The following TSPAN18 variants were observed in gnomAD, a reference collection of about 807,000 sequenced individuals.
TSPAN18 encodes the protein tetraspanin-18.
In TSPAN18, 14 loss-of-function variants were observed where a neutral mutation model predicts 27.3. The observed-to-expected ratio is 0.51, with a 90% CI of 0.34 to 0.80. TSPAN18 has a LOEUF of 0.80. TSPAN18 is among the 30% of genes least tolerant of loss of function. The pLI is 0.01. For missense variants in TSPAN18, 268 were observed against 323.9 expected, an observed-to-expected ratio of 0.83 and a Z score of 1.32; for synonymous variants, 143 against 136.5, an observed-to-expected ratio of 1.05 and a Z score of -0.33.
intron 2 of TSPAN18, among the ~76,000 whole-genome samples, chr11:44,836,060 A>T (rs923897681): frequency 6.6e-6 from 1 of 152,210 alleles, no homozygotes; most frequent in African/African-American, 2.4e-5. Flanking sequence ...GAGGCCAATG[A>T]ATAACCCTAC....
chr11:44,903,986 C>T, intron 3 of TSPAN18: 1 of 407,244 alleles, frequency 2.5e-6, no homozygotes, highest in East Asian at 7.2e-5. Flanking sequence ...AGTAAATGCT[C>T]AATAAATAGT....
intron 2 of TSPAN18, among the ~76,000 whole-genome samples, chr11:44,824,752 T>C (rs1565166226): frequency 2.6e-5 from 4 of 152,098 alleles, no homozygotes; most frequent in African/African-American, 9.7e-5. Flanking sequence ...TGGGTTTTAA[T>C]TGTGGCTGTT....
At chr11:44,839,690 T>C (rs1181058402) in intron 2 of TSPAN18, among the ~76,000 whole-genome samples, 1 of 152,108 alleles carries the variant, frequency 6.6e-6, no homozygotes, top group African/African-American at 2.4e-5. Context: ...TTCCTGGAGT[T>C]AAGACAGGCA....
At chr11:44,739,101 C>T (rs954511886) in intron 1 of TSPAN18, among the ~76,000 whole-genome samples, 2 of 152,242 alleles carry the variant, frequency 1.3e-5, no homozygotes, top group South Asian at 4.2e-4. Context: ...CTCTCCTGGC[C>T]CTTTGCTCCC....
At chr11:44,829,012 GT>G (rs959766676) in intron 2 of TSPAN18, among the ~76,000 whole-genome samples, 2 of 152,048 alleles carry the variant, frequency 1.3e-5, no homozygotes, top group African/African-American at 4.8e-5. Context: ...AAAAACGAAT[GT>G]TTATTTTTTA....
At chr11:44,741,447 A>ATGTGTG (rs58865710) in intron 1 of TSPAN18, among the ~76,000 whole-genome samples, 85 of 147,478 alleles carry the variant, frequency 5.8e-4, no homozygotes, top group African/African-American at 1.9e-3. Flanking sequence ...TCAGACATGT[A>ATGTGTG]TGTGTGTGTG....
chr11:44,772,229 C>A (rs1436559603), intron 2 of TSPAN18, among the ~76,000 whole-genome samples: 1 of 152,164 alleles, frequency 6.6e-6, no homozygotes, highest in Non-Finnish European at 1.5e-5. Context: ...ATGTTTGACC[C>A]AAATTATCCA....
At chr11:44,807,476 C>G (rs548714967) in intron 2 of TSPAN18, among the ~76,000 whole-genome samples, 1 of 133,952 alleles carries the variant, frequency 7.5e-6, no homozygotes, top group African/African-American at 2.9e-5. Context: ...TACAGTGAGC[C>G]GAGATTGCAC....
At chr11:44,794,156 G>A (rs1009406173) in intron 2 of TSPAN18, among the ~76,000 whole-genome samples, 2 of 152,316 alleles carry the variant, frequency 1.3e-5, no homozygotes, top group Non-Finnish European at 2.9e-5. Context: ...ACCTCTGGAC[G>A]CTTGGCAAGA....
At chr11:44,735,704 C>T (rs1281649060) in intron 1 of TSPAN18, among the ~76,000 whole-genome samples, 2 of 151,964 alleles carry the variant, frequency 1.3e-5, no homozygotes, top group Non-Finnish European at 2.9e-5. Context: ...GCAAGCTCCG[C>T]CTCCTGGGTT....
At chr11:44,746,240 C>T (rs1855073437) in intron 1 of TSPAN18, among the ~76,000 whole-genome samples, 1 of 152,060 alleles carries the variant, frequency 6.6e-6, no homozygotes, top group African/African-American at 2.4e-5. Context: ...GAGTATGAGA[C>T]CCAAGACAAA....
At chr11:44,794,473 G>C (rs1856301396) in intron 2 of TSPAN18, among the ~76,000 whole-genome samples, 4 of 152,158 alleles carry the variant, frequency 2.6e-5, no homozygotes, top group Admixed American at 2.6e-4. Flanking sequence ...TTCAAGACCA[G>C]CCTGGGCAAC....
intron 2 of TSPAN18, among the ~76,000 whole-genome samples, chr11:44,795,927 G>C (rs1350857843): frequency 6.6e-6 from 1 of 152,122 alleles, no homozygotes; most frequent in East Asian, 1.9e-4. Context: ...GCTGTAGCCT[G>C]CAGACACAGC....
intron 1 of TSPAN18, among the ~76,000 whole-genome samples, chr11:44,762,615 ATGTGTGTGTG>A (rs533032652): frequency 1.3e-5 from 2 of 149,868 alleles, no homozygotes; most frequent in African/African-American, 2.4e-5. Context: ...ATATACACAT[ATGTGTGTGTG>A]TGTGTGTGTG....
At chr11:44,899,801 C>T (rs907317537) in intron 3 of TSPAN18, among the ~76,000 whole-genome samples, 7 of 152,202 alleles carry the variant, frequency 4.6e-5, no homozygotes, top group African/African-American at 1.4e-4. Context: ...CGGGTCCCAC[C>T]TGACCCTACA....
chr11:44,855,632 G>A (rs1857715438), intron 2 of TSPAN18, among the ~76,000 whole-genome samples: 1 of 152,042 alleles, frequency 6.6e-6, no homozygotes, highest in Admixed American at 6.5e-5. Context: ...ACACAAGTCT[G>A]TATGAGTCAA....
At chr11:44,750,058 G>A (rs1320116612) in intron 1 of TSPAN18, among the ~76,000 whole-genome samples, 1 of 152,150 alleles carries the variant, frequency 6.6e-6, no homozygotes, top group East Asian at 1.9e-4. Flanking sequence ...GGAATCCTTG[G>A]GGAACCCATT....
chr11:44,852,346 C>T (rs1325712370), intron 2 of TSPAN18, among the ~76,000 whole-genome samples: 1 of 152,148 alleles, frequency 6.6e-6, no homozygotes, highest in Non-Finnish European at 1.5e-5. Context: ...TCTGATTATC[C>T]CCATTTTACA....
At chr11:44,841,376 G>C (rs1477677552) in intron 2 of TSPAN18, among the ~76,000 whole-genome samples, 23 of 152,132 alleles carry the variant, frequency 1.5e-4, no homozygotes, top group Admixed American at 1.4e-3. Context: ...AATTAGCCGA[G>C]AGTGGTGATG....
Sources: gnomAD v4.1 joint callset for allele counts (sites outside exome capture counted in the v4.1 genomes callset) on GRCh38, gnomAD v4.1.1 for gene constraint, MANE v1.5 for transcripts, NCBI Gene and HGNC (gene_info 2026-07-23, HGNC 2026-07-21) for gene names.